Variants in CELF2 observed in about 807,000 individuals in gnomAD.
The protein encoded by CELF2 is CUG triplet repeat RNA-binding protein 2.
Under a neutral mutation model 62.6 loss-of-function variants are expected in CELF2, and 8 were observed. The observed-to-expected ratio is 0.13, with a 90% CI of 0.07 to 0.23. CELF2 has a LOEUF of 0.23. Ranked by LOEUF, CELF2 falls within the 10% of genes least tolerant of loss-of-function variation. CELF2 has a pLI of 1.00. For synonymous variants in CELF2, 258 were observed against 250.0 expected, an observed-to-expected ratio of 1.03 and a Z score of -0.30; for missense variants, 333 against 671.0, an observed-to-expected ratio of 0.50 and a Z score of 5.56.
chr10:10,481,656 A>G, the CELF2 span, among the ~76,000 whole-genome samples: 2 of 152,230 alleles, frequency 1.3e-5, no homozygotes, highest in Non-Finnish European at 2.9e-5. Context: ...TTATTGGAAA[A>G]TTAATAATTG....
intron 2 of CELF2, among the ~76,000 whole-genome samples, chr10:11,197,042 A>G (rs1316955170): frequency 6.5e-4 from 12 of 18,582 alleles, no homozygotes; most frequent in African/African-American, 2.7e-3. Flanking sequence ...AGAAAGAAAG[A>G]AAGAAAGAAA....
chr10:11,190,874 G>A (rs1051407214), intron 2 of CELF2, among the ~76,000 whole-genome samples: 1 of 151,698 alleles, frequency 6.6e-6, no homozygotes, highest in African/African-American at 2.4e-5. Context: ...ATAGGTTGGT[G>A]GTTGGCCAGG....
chr10:10,542,777 A>G, the CELF2 span, among the ~76,000 whole-genome samples: 1 of 152,166 alleles, frequency 6.6e-6, no homozygotes, highest in African/African-American at 2.4e-5. Context: ...AGGGGTTATG[A>G]TTTGACTTCC....
rs977214465 is a variant in CELF2 at position 11,214,263 on chromosome 10, C to A, written c.272-3162C>A. ...CACCACTGCATTCCAGCCAGGACAACAGAGTGACATCCTGTCTCAAAAATA... is the reference window on the plus strand; with the variant it reads ...CACCACTGCATTCCAGCCAGGACAAAAGAGTGACATCCTGTCTCAAAAATA... On this transcript the variant is annotated intron_variant, in intron 2 of 12. Coordinates refer to ENST00000633077, the MANE Select transcript of CELF2 (RefSeq NM_001326342.2). This position sits in a 1 kb window ranked among gnomAD's most constrained non-coding sequence, Gnocchi z 4.2. Among the ~76,000 whole-genome samples, 2 of 152,194 alleles carry A rather than the reference C, an allele frequency of 1.3e-5. No homozygotes were observed. Among genetic ancestry groups the A allele is most frequent in the Non-Finnish European group, 2.9e-5 (2 of 68,036 alleles).
chr10:10,966,757 G>A (rs1402420286), intron 2 of CELF2: 1 of 152,240 alleles, frequency 6.6e-6, no homozygotes, highest in African/African-American at 2.4e-5. Context: ...ACTACAGTAA[G>A]TCAGTGAGTT....
intron 1 of CELF2, among the ~76,000 whole-genome samples, chr10:11,027,649 A>G (rs1370794247): frequency 1.3e-5 from 2 of 152,188 alleles, no homozygotes; most frequent in Non-Finnish European, 2.9e-5. Flanking sequence ...CTTGCCCTGT[A>G]TGTCGTAGAA....
chr10:10,580,971 G>T, the CELF2 span, among the ~76,000 whole-genome samples: 1 of 152,164 alleles, frequency 6.6e-6, no homozygotes, highest in Non-Finnish European at 1.5e-5. Flanking sequence ...CCATGAAAAG[G>T]TTACAATTAT....
chr10:10,988,963 A>G (rs2053135602), intron 2 of CELF2, among the ~76,000 whole-genome samples: 2 of 152,178 alleles, frequency 1.3e-5, no homozygotes, highest in African/African-American at 4.8e-5. Flanking sequence ...TGAAAAAACT[A>G]AAAATCTGTA....
intron 1 of CELF2, among the ~76,000 whole-genome samples, chr10:10,855,917 C>T (rs1043212826): frequency 1.3e-5 from 2 of 151,786 alleles, no homozygotes; most frequent in African/African-American, 4.8e-5. Context: ...CCCAAGAGAC[C>T]CCACAGTGAA....
the CELF2 span, among the ~76,000 whole-genome samples, chr10:10,497,417 G>A: frequency 2.2e-4 from 33 of 152,210 alleles, no homozygotes; most frequent in African/African-American, 7.7e-4. Context: ...TGAAAATACA[G>A]CAATGGAACA....
At chr10:11,205,179 G>C (rs1161959313) in intron 2 of CELF2, among the ~76,000 whole-genome samples, 1 of 152,186 alleles carries the variant, frequency 6.6e-6, no homozygotes. Context: ...CAGAAAGCAA[G>C]ACAACACAAT....
intron 1 of CELF2, among the ~76,000 whole-genome samples, chr10:11,119,871 C>CA (rs902198430): frequency 3.0e-5 from 4 of 135,016 alleles, no homozygotes; most frequent in African/African-American, 1.1e-4. Flanking sequence ...GCCTCCCCCC[C>CA]CCCGGCCCCC....
chr10:10,991,584 G>C (rs2053448390), intron 2 of CELF2, among the ~76,000 whole-genome samples: 2 of 152,170 alleles, frequency 1.3e-5, no homozygotes. Context: ...GTTATCTGAA[G>C]AAAAATAGGA....
the CELF2 span, among the ~76,000 whole-genome samples, chr10:10,588,905 G>A: frequency 6.6e-6 from 1 of 152,116 alleles, no homozygotes; most frequent in Non-Finnish European, 1.5e-5. Flanking sequence ...TCTCCTTGAT[G>A]TTTCCATGCA....
rs900458566 is a variant in CELF2, at chr10:11,302,634, T to C, written c.977-11505T>C. Among the ~76,000 whole-genome samples, 1 of 152,176 alleles carries C rather than the reference T, an allele frequency of 6.6e-6. No individual in the cohort carries two copies. Among genetic ancestry groups the C allele is most frequent in the Non-Finnish European group, 1.5e-5 (1 of 68,028 alleles). On this transcript the variant is annotated intron_variant, in intron 9 of 12. Transcript: ENST00000633077. This position sits in a 1 kb window ranked among gnomAD's most constrained non-coding sequence, Gnocchi z 5.0. ...TGGTCTTTTTCTTGGTGACTTTCTC[T>C]GTGATCTGGTCATTTAGGATCGAGT...
rs2093634338 is a variant in CELF2 at position 11,300,715 on chromosome 10, C to G, written c.976+12163C>G. On this transcript the variant is annotated intron_variant, in intron 9 of 12. Transcript: ENST00000633077. The surrounding 1 kb of genome is among the most constrained non-coding windows in gnomAD (Gnocchi z 5.5). The stretch of plus-strand genomic sequence containing the variant: ...TGTCATGGCTTAATTATCCTACTTC[C>G]TCACAATCTTTTCCTGCGCAGTTGG... Among the ~76,000 whole-genome samples the G allele has an allele frequency of 2.0e-5, 3 of 152,326 alleles. No homozygotes were observed. The highest frequency in any genetic ancestry group is 2.1e-4 in the South Asian group (1 of 4,820).
intron 1 of CELF2, among the ~76,000 whole-genome samples, chr10:10,871,933 A>G (rs766047028): frequency 6.6e-6 from 1 of 152,218 alleles, no homozygotes; most frequent in Non-Finnish European, 1.5e-5. Flanking sequence ...TATTGAGTAC[A>G]TTGATTTTCA....
chr10:11,327,682 A>G (rs1009394976), intron 12 of CELF2, among the ~76,000 whole-genome samples: 1 of 152,234 alleles, frequency 6.6e-6, no homozygotes, highest in Non-Finnish European at 1.5e-5. Flanking sequence ...CTTGGATCCC[A>G]GATCACATTT....
chr10:10,583,614 A>G, the CELF2 span, among the ~76,000 whole-genome samples: 4 of 152,310 alleles, frequency 2.6e-5, no homozygotes, highest in East Asian at 1.9e-4. Context: ...ACTGGAAATC[A>G]GTTTCTTTCC....
Sources: allele counts gnomAD v4.1 joint callset (sites outside exome capture counted in the v4.1 genomes callset), GRCh38; gene constraint gnomAD v4.1.1; non-coding constraint Gnocchi (gnomAD v3.1); transcripts MANE v1.5; gene names NCBI Gene and HGNC (gene_info 2026-07-23, HGNC 2026-07-21).